The following NOTCH1 variants were observed in gnomAD, a reference collection of about 807,000 sequenced individuals.
NOTCH1 encodes the protein neurogenic locus notch homolog protein 1.
Under a neutral mutation model 254.8 loss-of-function variants are expected in NOTCH1, and 37 were observed. The observed-to-expected ratio is 0.15, with a 90% CI of 0.11 to 0.19. NOTCH1 has a LOEUF of 0.19. Ranked by LOEUF, NOTCH1 falls within the 10% of genes least tolerant of loss-of-function variation. The pLI, the probability that NOTCH1 is intolerant of heterozygous loss-of-function variation, is 1.00. For synonymous variants in NOTCH1, 1,731 were observed against 1,618.1 expected, an observed-to-expected ratio of 1.07 and a Z score of -1.68; for missense variants, 2,972 against 3,708.6, an observed-to-expected ratio of 0.80 and a Z score of 5.16.
intron 2 of NOTCH1, among the ~76,000 whole-genome samples, chr9:136,534,690 G>A (rs375867258): frequency 1.5e-4 from 23 of 152,160 alleles, no homozygotes; most frequent in Non-Finnish European, 2.4e-4. Flanking sequence ...ATCCGGAGAC[G>A]CCCTTGGTAG....
chr9:136,509,833 C>T lies in NOTCH1; in HGVS notation c.2869G>A (p.Gly957Arg), dbSNP rs773902766. The stretch of plus-strand genomic sequence containing the variant: ...TCCACGCAGTCCGTGCAGTTGGCCC[C>T]GTTGCGGCAGGGGTCACTGGCACAC... ...NECASDPCRN[G>R]ANCTDCVDSY... Residue 957 changes from glycine to arginine, a missense_variant, in exon 18 of 34, where the codon GGG becomes AGG. Gly to Arg is a moderately radical substitution (Grantham distance 125). Coordinates refer to ENST00000651671, the MANE Select transcript of NOTCH1 (RefSeq NM_017617.5). The T allele has an allele frequency of 3.7e-6, 6 of 1,613,088 alleles. No homozygotes were observed. The highest frequency in any genetic ancestry group is 3.3e-5 in the South Asian group (3 of 91,096).
At position 136,505,561 on chromosome 9, in the gene NOTCH1, G is replaced by T. The variant is rs373960609; in HGVS notation, c.4335C>A (p.Ile1445=). The T allele has an allele frequency of 6.2e-7, 1 of 1,611,018 alleles. No homozygotes were observed. The highest frequency in any genetic ancestry group is 8.5e-7 in the Non-Finnish European group (1 of 1,179,086). Reference sequence around the variant, plus strand: ...ACTCGGGCAGCTCGCACGCCTCCTCGATCAGCGGCGGGGGGATGTCGCGCC... The same window carrying T: ...ACTCGGGCAGCTCGCACGCCTCCTCTATCAGCGGCGGGGGGATGTCGCGCC... The part of the protein sequence containing the change: ...GAGRDIPPPL[I]EEACELPECQ... Residue 1445 remains isoleucine (I), a synonymous_variant, in exon 25 of 34, where the codon ATC becomes ATA. Coordinates refer to ENST00000651671, the MANE Select transcript of NOTCH1 (RefSeq NM_017617.5).
rs751646144 is a variant in NOTCH1, at chr9:136,518,691, G to A, written c.999C>T (p.Ser333=). The A allele has an allele frequency of 1.0e-4, 168 of 1,612,634 alleles. No homozygotes were observed. Among genetic ancestry groups the A allele is most frequent in the Non-Finnish European group, 1.3e-4 (159 of 1,180,004 alleles). The change falls in exon 6 of 34, where the codon AGC becomes AGT. Residue 333 remains serine (S), a synonymous_variant. Coordinates refer to ENST00000651671, the MANE Select transcript of NOTCH1 (RefSeq NM_017617.5). The part of the protein sequence containing the change: ...CVNGWTGEDC[S]ENIDDCASAA... ...CGCTGGCACAGTCATCAATGTTCTC[G>A]CTGCAGTCCTCACCAGTCCAGCCGT... is the stretch of plus-strand genomic sequence containing the variant.
chr9:136,531,837 G>A (rs911464536), intron 2 of NOTCH1, among the ~76,000 whole-genome samples: 5 of 152,210 alleles, frequency 3.3e-5, no homozygotes, highest in Admixed American at 1.3e-4. Flanking sequence ...GATGGACGGC[G>A]GCTTCAGTGG....
Position 136,495,942 on chromosome 9 carries a change from C to A in NOTCH1, c.*129G>T. ...AATAAATACTAAAAAAAATTAAAAT[C>A]CTCGTTCTTATTTTGTATAAAAACA... On this transcript the variant is annotated 3_prime_UTR_variant, in exon 34 of 34. Transcript: ENST00000651671. The A allele has an allele frequency of 3.0e-6, 3 of 1,010,700 alleles. No individual in the cohort carries two copies. The highest frequency in any genetic ancestry group is 2.8e-6 in the Non-Finnish European group (2 of 713,532). The allele number at this position is 1,010,700 out of a possible 1,614,324, so 62.6% of individuals were successfully genotyped here.
At chr9:136,498,039 G>C (rs1352371840) in intron 33 of NOTCH1, among the ~76,000 whole-genome samples, 1 of 152,040 alleles carries the variant, frequency 6.6e-6, no homozygotes, top group Non-Finnish European at 1.5e-5. Context: ...TCACAGGTCT[G>C]GGTGAGGCTG....
chr9:136,507,158 G>C, intron 22 of NOTCH1, 147 bp downstream of exon 22: 1 of 1,490,258 alleles, frequency 6.7e-7, no homozygotes, highest in African/African-American at 1.4e-5. Context: ...CTTTCCCTGG[G>C]CAGCTGTGAG....
chr9:136,496,576 T>C lies in NOTCH1; in HGVS notation c.7163A>G (p.Gln2388Arg). 3 of 1,612,414 alleles carry C rather than the reference T, an allele frequency of 1.9e-6. No homozygotes were observed. Among genetic ancestry groups the C allele is most frequent in the Non-Finnish European group, 2.5e-6 (3 of 1,179,986 alleles). ...GTTCTGCTGCTGCATCTGTAAGTTT[T>C]GTGGCTGCACCTGCTGGGTCTGCAC... is the stretch of plus-strand genomic sequence containing the variant. ...HLVQTQQVQPQNLQMQQQNLQ... is the reference protein window; with the variant it reads ...HLVQTQQVQPRNLQMQQQNLQ... The change falls in exon 34 of 34, where the codon CAA (glutamine) becomes CGA (arginine). Residue 2388 changes from glutamine (Q) to arginine (R), a missense_variant. Around this residue, in one of 8 missense-constraint regions of NOTCH1, gnomAD observed 529 missense variants for 529.2 expected, o/e 1.00. Coordinates refer to ENST00000651671, the MANE Select transcript of NOTCH1 (RefSeq NM_017617.5).
Position 136,506,758 on chromosome 9 carries a change from G to C in NOTCH1, c.3859C>G (p.Arg1287Gly), listed in dbSNP as rs751275854. 3 of 1,605,730 alleles carry C rather than the reference G, an allele frequency of 1.9e-6. No individual in the cohort carries two copies. Among genetic ancestry groups the C allele is most frequent in the Non-Finnish European group, 2.5e-6 (3 of 1,176,794 alleles). Residue 1287 changes from arginine to glycine, a missense_variant, in exon 23 of 34, where the codon CGC becomes GGC. By Grantham distance (125) the Arg-to-Gly change is moderately radical. Transcript: ENST00000651671. The surrounding 1 kb of genome is among the most constrained non-coding windows in gnomAD (Gnocchi z 4.5). ...DARGTQNCVQRVNDFHCECRA... is the reference protein window; with the variant it reads ...DARGTQNCVQGVNDFHCECRA... Reference sequence around the variant, plus strand: ...CACTCGCAGTGGAAGTCATTGACGCGCTGCACGCAGTTCTGGGTGCCACGG... The same window carrying C: ...CACTCGCAGTGGAAGTCATTGACGCCCTGCACGCAGTTCTGGGTGCCACGG...
At chr9:136,531,118 G>A (rs977594958) in intron 2 of NOTCH1, among the ~76,000 whole-genome samples, 1 of 152,228 alleles carries the variant, frequency 6.6e-6, no homozygotes, top group African/African-American at 2.4e-5. Context: ...GCTGCAGGGA[G>A]GGAAGGGATC....
At chr9:136,527,712 C>T (rs1158172246) in intron 2 of NOTCH1, among the ~76,000 whole-genome samples, 1 of 152,204 alleles carries the variant, frequency 6.6e-6, no homozygotes, top group East Asian at 1.9e-4. Context: ...TTCCGTGCGT[C>T]CCTCTTAGGG....
intron 2 of NOTCH1, among the ~76,000 whole-genome samples, chr9:136,536,783 G>A (rs1185813361): frequency 1.3e-5 from 2 of 152,234 alleles, no homozygotes; most frequent in Non-Finnish European, 2.9e-5. Flanking sequence ...CTGTGGCCTG[G>A]TTCTTAAGGG....
rs774399602 is a variant in NOTCH1 at position 136,505,833 on chromosome 9, G to C, written c.4063C>G (p.Leu1355Val). Residue 1355 changes from leucine to valine, a missense_variant, in exon 25 of 34, where the codon CTG (leucine) becomes GTG (valine). By Grantham distance (32) the Leu-to-Val change is conservative. Around this residue, in one of 8 missense-constraint regions of NOTCH1, gnomAD observed 1,343 missense variants for 1,557.0 expected, o/e 0.86. Coordinates refer to ENST00000651671, the MANE Select transcript of NOTCH1 (RefSeq NM_017617.5). ...CATGTGCCGCCGTTGAGGCAGCGCA[G>C]GCTGCCGCAGGTACGAGCGTCATTC... ...CENDARTCGS[L>V]RCLNGGTCIS... 2 of 1,593,756 alleles carry C rather than the reference G, an allele frequency of 1.3e-6. No individual in the cohort carries two copies. Among genetic ancestry groups the C allele is most frequent in the Admixed American group, 3.4e-5 (2 of 59,398 alleles).
At position 136,498,823 on chromosome 9, in the gene NOTCH1, G is replaced by A. The variant is rs1021389227; in HGVS notation, c.6180+76C>T. ...GTGGGTCAGGCCCTTGTGTCCCTGC[G>A]CCCCGTGGGTTTGGCCCTCACTTCT... On this transcript the variant is annotated intron_variant, in intron 33 of 33. Coordinates refer to ENST00000651671, the MANE Select transcript of NOTCH1 (RefSeq NM_017617.5). 24 of 1,530,622 alleles carry A rather than the reference G, an allele frequency of 1.6e-5. No homozygotes were observed. The Admixed American group carries it at 3.0e-4, about 19-fold the overall frequency. The allele number at this position is 1,530,622 out of a possible 1,614,324, so 94.8% of individuals were successfully genotyped here.
At position 136,518,318 on chromosome 9, in the gene NOTCH1, G is replaced by C. The variant is rs375217031; in HGVS notation, c.1100-26C>G. On this transcript the variant is annotated intron_variant, in intron 6 of 33. Transcript: ENST00000651671. Reference sequence around the variant, plus strand: ...CTGGGCAGGCAGCGGCGGTCAGTGGGCACGGCCCCTGGGCCAGGCATGGCA... The same window carrying C: ...CTGGGCAGGCAGCGGCGGTCAGTGGCCACGGCCCCTGGGCCAGGCATGGCA... 20 of 1,601,004 alleles carry C rather than the reference G, an allele frequency of 1.2e-5. No homozygotes were observed. The African/African-American group carries it at 2.5e-4, about 20-fold the overall frequency.
At chr9:136,536,041 G>GA (rs1011173799) in intron 2 of NOTCH1, among the ~76,000 whole-genome samples, 3 of 152,046 alleles carry the variant, frequency 2.0e-5, no homozygotes, top group Admixed American at 1.3e-4. Flanking sequence ...CAGGGTAGGG[G>GA]GGCGCACTGA....
In NOTCH1 at chr9:136,519,527, A is replaced by G. The variant is rs2133372814; in HGVS notation, c.781T>C (p.Cys261Arg). 2 of 1,612,992 alleles carry G rather than the reference A, an allele frequency of 1.2e-6. No homozygotes were observed. Among genetic ancestry groups the G allele is most frequent in the Non-Finnish European group, 1.7e-6 (2 of 1,179,950 alleles). ...GQNCEENIDD[C>R]PGNNCKNGGA... The stretch of plus-strand genomic sequence containing the variant: ...CCGTTCTTGCAGTTGTTTCCTGGAC[A>G]ATCGTCGATATTTTCCTCACAGTTC... The change falls in exon 5 of 34, where the codon TGT (cysteine) becomes CGT (arginine). Residue 261 changes from cysteine (C) to arginine (R), a missense_variant. Around this residue, in one of 8 missense-constraint regions of NOTCH1, gnomAD observed 374 missense variants for 496.3 expected, o/e 0.75. Coordinates refer to ENST00000651671, the MANE Select transcript of NOTCH1 (RefSeq NM_017617.5).
intron 6 of NOTCH1, 111 bp from the exon 7 acceptor site, chr9:136,518,403 C>T (rs747373056): frequency 1.7e-5 from 24 of 1,410,538 alleles, no homozygotes; most frequent in Non-Finnish European, 2.2e-5. Flanking sequence ...CCCGCCGTGA[C>T]CCCGTCGGGC....
At chr9:136,541,268 C>G (rs1172887508) in intron 2 of NOTCH1, among the ~76,000 whole-genome samples, 1 of 152,198 alleles carries the variant, frequency 6.6e-6, no homozygotes, top group Middle Eastern at 3.2e-3. Context: ...AACAAAACCA[C>G]TTTTTCCAAT....
Sources: allele counts gnomAD v4.1 joint callset (sites outside exome capture counted in the v4.1 genomes callset), GRCh38; gene constraint gnomAD v4.1.1; regional missense constraint gnomAD v4.1.1; non-coding constraint Gnocchi (gnomAD v3.1); transcripts MANE v1.5; gene names NCBI Gene and HGNC (gene_info 2026-07-23, HGNC 2026-07-21).